STXBP5: variants seen among roughly 807,000 people sequenced by gnomAD.
STXBP5 encodes syntaxin binding protein 5, also known as syntaxin-binding protein 5.
STXBP5 carries 50 observed loss-of-function variants against 152.4 expected under a neutral mutation model. That is an observed-to-expected ratio of 0.33 (90% CI 0.26 to 0.42). STXBP5 has a LOEUF of 0.42. Among genes scored for constraint, STXBP5 ranks in the 10% least tolerant of loss-of-function variants. STXBP5 has a pLI of 1.00. For synonymous variants in STXBP5, 492 were observed against 494.7 expected (o/e 0.99, Z 0.07); for missense variants, 1,167 against 1,388.6 (o/e 0.84, Z 2.54).
intron 9 of STXBP5, among the ~76,000 whole-genome samples, chr6:147,302,721 A>G (rs1028069747): frequency 2.0e-5 from 3 of 152,170 alleles, no homozygotes; most frequent in East Asian, 1.9e-4. Flanking sequence ...AGGCTGAGGC[A>G]GGAGAATCAC....
intron 4 of STXBP5, among the ~76,000 whole-genome samples, chr6:147,253,790 AAG>A (rs940235809): frequency 7.2e-5 from 11 of 152,220 alleles, no homozygotes; most frequent in African/African-American, 2.7e-4. Flanking sequence ...TCAAGGAAAT[AAG>A]AGAGGACACA....
At chr6:147,213,186 AAAGAT>A (rs1562411887) in intron 2 of STXBP5, among the ~76,000 whole-genome samples, 1 of 152,192 alleles carries the variant, frequency 6.6e-6, no homozygotes, top group Non-Finnish European at 1.5e-5. Flanking sequence ...GAGTATCACT[AAAGAT>A]AAGCTTAATT....
At chr6:147,281,650 C>T (rs1312049502) in intron 8 of STXBP5, among the ~76,000 whole-genome samples, 1 of 152,134 alleles carries the variant, frequency 6.6e-6, no homozygotes, top group Non-Finnish European at 1.5e-5. Flanking sequence ...GTTCAAGTAT[C>T]TTAGTCTTAA....
At chr6:147,219,293 CTT>C (rs1270048738) in intron 2 of STXBP5, among the ~76,000 whole-genome samples, 1 of 152,142 alleles carries the variant, frequency 6.6e-6, no homozygotes, top group South Asian at 2.1e-4. Flanking sequence ...CTGTGTGATT[CTT>C]TTTATACACT....
At chr6:147,206,814 T>C (rs1463841919) in intron 2 of STXBP5, among the ~76,000 whole-genome samples, 1 of 152,170 alleles carries the variant, frequency 6.6e-6, no homozygotes, top group Non-Finnish European at 1.5e-5. Flanking sequence ...TTTTTCAAGA[T>C]AATTTTTTAG....
chr6:147,257,245 C>T (rs1370026171), intron 4 of STXBP5, among the ~76,000 whole-genome samples: 1 of 151,138 alleles, frequency 6.6e-6, no homozygotes, highest in East Asian at 2.0e-4. Flanking sequence ...GATTCAACTT[C>T]ATTATCTGTG....
intron 4 of STXBP5, among the ~76,000 whole-genome samples, chr6:147,248,446 T>A (rs1041597246): frequency 2.0e-5 from 3 of 152,104 alleles, no homozygotes; most frequent in Non-Finnish European, 4.4e-5. Context: ...GATGAAATAA[T>A]TGAGTTTTTT....
At chr6:147,213,546 A>G (rs989699486) in intron 2 of STXBP5, among the ~76,000 whole-genome samples, 10 of 150,482 alleles carry the variant, frequency 6.6e-5, no homozygotes, top group South Asian at 4.2e-4. Flanking sequence ...GGGTCATACT[A>G]TGTTGCTGAG....
At chr6:147,323,792 A>G (rs1231376328) in intron 16 of STXBP5, among the ~76,000 whole-genome samples, 3 of 152,246 alleles carry the variant, frequency 2.0e-5, no homozygotes, top group Admixed American at 6.5e-5. Context: ...CATTGTGACT[A>G]GGTAGTAATA....
chr6:147,276,679 A>C (rs1311824088), intron 7 of STXBP5, among the ~76,000 whole-genome samples: 1 of 152,122 alleles, frequency 6.6e-6, no homozygotes, highest in Admixed American at 6.5e-5. Flanking sequence ...TTTACTTGTA[A>C]AGGCTACTAA....
At chr6:147,323,198 G>C (rs1202781196) in intron 16 of STXBP5, among the ~76,000 whole-genome samples, 2 of 152,084 alleles carry the variant, frequency 1.3e-5, no homozygotes, top group African/African-American at 4.8e-5. Context: ...ATAGCTGCAA[G>C]GTTTCTGCCT....
chr6:147,377,851 T>C (rs1431423605), intron 26 of STXBP5, among the ~76,000 whole-genome samples: 1 of 151,906 alleles, frequency 6.6e-6, no homozygotes, highest in Non-Finnish European at 1.5e-5. Flanking sequence ...TCTAAGAGTC[T>C]AATAAAAATG....
chr6:147,249,902 TATC>T (rs1455149376), intron 4 of STXBP5, among the ~76,000 whole-genome samples: 1 of 152,186 alleles, frequency 6.6e-6, no homozygotes. Context: ...TTTTTAAAAG[TATC>T]ATCCCACAGG....
chr6:147,253,869 C>T (rs1309880050), intron 4 of STXBP5, among the ~76,000 whole-genome samples: 1 of 152,002 alleles, frequency 6.6e-6, no homozygotes, highest in Non-Finnish European at 1.5e-5. Context: ...GCCATACTGC[C>T]CAAAGTAATT....
chr6:147,281,747 G>C (rs986284125), intron 8 of STXBP5, among the ~76,000 whole-genome samples: 1 of 152,136 alleles, frequency 6.6e-6, no homozygotes, highest in Non-Finnish European at 1.5e-5. Context: ...TTTAGTGTTA[G>C]GGTGTTTAGT....
chr6:147,244,198 A>T (rs1438663140), intron 4 of STXBP5, among the ~76,000 whole-genome samples: 1 of 152,230 alleles, frequency 6.6e-6, no homozygotes, highest in East Asian at 1.9e-4. Flanking sequence ...AATACGATAC[A>T]GTTTTATATA....
At chr6:147,321,541 C>T (rs1782936428) in intron 16 of STXBP5, among the ~76,000 whole-genome samples, 1 of 152,082 alleles carries the variant, frequency 6.6e-6, no homozygotes. Flanking sequence ...AGCTGCACTC[C>T]AGCCAGGGTG....
intron 3 of STXBP5, among the ~76,000 whole-genome samples, 154 bp downstream of exon 3, chr6:147,235,485 C>A (rs187783293): frequency 6.6e-6 from 1 of 152,064 alleles, no homozygotes; most frequent in African/African-American, 2.4e-5. Flanking sequence ...TTTTAAGGTA[C>A]CGTCATGGAC....
At chr6:147,205,644 A>T (rs1776510761) in intron 1 of STXBP5, among the ~76,000 whole-genome samples, 1 of 152,194 alleles carries the variant, frequency 6.6e-6, no homozygotes, top group Non-Finnish European at 1.5e-5. Context: ...ATGGGTTTAC[A>T]GAATTTTGGA....
Sources: allele counts gnomAD v4.1 joint callset (sites outside exome capture counted in the v4.1 genomes callset), GRCh38; gene constraint gnomAD v4.1.1; transcripts MANE v1.5; gene names NCBI Gene and HGNC (gene_info 2026-07-23, HGNC 2026-07-21).